ZBTB16: variants seen among roughly 807,000 people sequenced by gnomAD.
ZBTB16 encodes zinc finger and BTB domain-containing protein 16.
ZBTB16 carries 8 observed loss-of-function variants against 56.8 expected under a neutral mutation model. The observed-to-expected ratio is 0.14, with a 90% CI of 0.08 to 0.25. The LOEUF (loss-of-function observed/expected upper bound fraction) is 0.25. Ranked by LOEUF, ZBTB16 falls within the 10% of genes least tolerant of loss-of-function variation. ZBTB16 has a pLI of 1.00. For synonymous variants in ZBTB16, 363 were observed against 368.5 expected (o/e 0.98, Z 0.17); for missense variants, 625 against 903.0 (o/e 0.69, Z 3.95).
chr11:114,126,850 C>G (rs986368728), intron 2 of ZBTB16, among the ~76,000 whole-genome samples: 2 of 152,174 alleles, frequency 1.3e-5, no homozygotes, highest in Non-Finnish European at 2.9e-5. Context: ...TTCTCCACTT[C>G]CCAGTCAACT....
intron 4 of ZBTB16, among the ~76,000 whole-genome samples, chr11:114,235,001 A>C (rs775616067): frequency 3.4e-5 from 5 of 147,654 alleles, no homozygotes; most frequent in Admixed American, 6.7e-5. Context: ...GTAATCCCCC[A>C]GGATGTCAGA....
intron 2 of ZBTB16, among the ~76,000 whole-genome samples, chr11:114,148,086 C>T (rs1056138787): frequency 1.1e-4 from 17 of 152,216 alleles, no homozygotes; most frequent in Admixed American, 5.9e-4. Flanking sequence ...TCCACAGCCA[C>T]GAAGATCCCT....
chr11:114,142,643 G>T (rs1404935006), intron 2 of ZBTB16, among the ~76,000 whole-genome samples: 1 of 152,136 alleles, frequency 6.6e-6, no homozygotes, highest in African/African-American at 2.4e-5. Flanking sequence ...ATTGTATTCA[G>T]TCTATTTGAG....
chr11:114,215,939 G>T (rs1370419102), intron 4 of ZBTB16, among the ~76,000 whole-genome samples: 2 of 152,198 alleles, frequency 1.3e-5, no homozygotes, highest in Non-Finnish European at 2.9e-5. Context: ...CAGGGAGACA[G>T]CCTAGAAATG....
At chr11:114,225,640 C>G (rs1944314355) in intron 4 of ZBTB16, among the ~76,000 whole-genome samples, 1 of 151,022 alleles carries the variant, frequency 6.6e-6, no homozygotes, top group South Asian at 2.1e-4. Context: ...CCCCCATGAC[C>G]CAAACACCTC....
At chr11:114,080,772 G>A (rs1397956936) in intron 2 of ZBTB16, among the ~76,000 whole-genome samples, 1 of 152,154 alleles carries the variant, frequency 6.6e-6, no homozygotes, top group Non-Finnish European at 1.5e-5. Context: ...TCTGGCTAAC[G>A]AGAGGGACTG....
rs1177425444 is a variant in ZBTB16, at chr11:114,167,236, T to TTG, written c.1366+10803_1366+10804insGT. Among the ~76,000 whole-genome samples the TTG allele has an allele frequency of 1.8e-4, 23 of 126,730 alleles. 1 individual carries two copies. The highest frequency in any genetic ancestry group is 8.3e-4 in the South Asian group (3 of 3,628). 83.1% of individuals were successfully genotyped at this position (126,730 alleles called of 152,430 possible). ...TTGTGGTTTTTTTTTTTTTTGGTTT[T>TTG]TTTTTTTTTTTTTTTTTGACAAGCT... is the stretch of plus-strand genomic sequence containing the variant. On this transcript the variant is annotated intron_variant, in intron 3 of 6. Transcript: ENST00000335953.
intron 4 of ZBTB16, among the ~76,000 whole-genome samples, chr11:114,215,981 C>A (rs1462248552): frequency 6.6e-6 from 1 of 152,166 alleles, no homozygotes; most frequent in Non-Finnish European, 1.5e-5. Flanking sequence ...AGCTCTTGAA[C>A]AGAGCAGACA....
intron 4 of ZBTB16, among the ~76,000 whole-genome samples, chr11:114,221,164 G>T (rs1445531951): frequency 1.3e-5 from 2 of 152,178 alleles, no homozygotes; most frequent in Non-Finnish European, 2.9e-5. Context: ...AGGAAGGAGG[G>T]TAGGGAAGAG....
intron 2 of ZBTB16, among the ~76,000 whole-genome samples, chr11:114,073,675 A>G (rs1384725193): frequency 6.6e-6 from 1 of 152,218 alleles, no homozygotes; most frequent in Non-Finnish European, 1.5e-5. Flanking sequence ...TGCAGTAGAA[A>G]GGGTCCAAGT....
intron 2 of ZBTB16, among the ~76,000 whole-genome samples, chr11:114,094,669 A>G (rs963149068): frequency 3.9e-5 from 6 of 152,200 alleles, no homozygotes; most frequent in Non-Finnish European, 2.9e-5. Context: ...GAATTAGAAA[A>G]AGCACCCTTG....
At chr11:114,130,409 G>C (rs976828330) in intron 2 of ZBTB16, among the ~76,000 whole-genome samples, 2 of 152,240 alleles carry the variant, frequency 1.3e-5, no homozygotes, top group Non-Finnish European at 2.9e-5. Context: ...TTTCAGGTTA[G>C]TTGAGACGTG....
In ZBTB16 at chr11:114,060,135, C is replaced by G. The variant is rs1293306503; in HGVS notation, c.-91+253C>G. ...TCCCCAGCCCTTCCTCTTCAGGGCACGGTCGGGGTGAGAGGTGGGGGGCGT... is the reference window on the plus strand; with the variant it reads ...TCCCCAGCCCTTCCTCTTCAGGGCAGGGTCGGGGTGAGAGGTGGGGGGCGT... On this transcript the variant is annotated intron_variant, in intron 1 of 6. Coordinates refer to ENST00000335953, the MANE Select transcript of ZBTB16 (RefSeq NM_006006.6). The surrounding 1 kb of genome is among the most constrained non-coding windows in gnomAD (Gnocchi z 6.0). The G allele has an allele frequency of 4.8e-6, 1 of 209,924 alleles. No individual in the cohort carries two copies. The highest frequency in any genetic ancestry group is 9.4e-6 in the Non-Finnish European group (1 of 105,932). The allele number at this position is 209,924 out of a possible 1,614,324, so 13.0% of individuals were successfully genotyped here.
At chr11:114,199,642 G>C (rs999194072) in intron 4 of ZBTB16, among the ~76,000 whole-genome samples, 1 of 152,196 alleles carries the variant, frequency 6.6e-6, no homozygotes, top group Non-Finnish European at 1.5e-5. Context: ...AAATGGCTTC[G>C]TTTCCTTGCT....
At chr11:114,159,937 C>CGGCGGGG (rs1555145906) in intron 3 of ZBTB16, among the ~76,000 whole-genome samples, 8 of 93,842 alleles carry the variant, frequency 8.5e-5, no homozygotes, top group African/African-American at 4.6e-4. Context: ...GCGGGGGAGG[C>CGGCGGGG]GGGGGGGAGG....
At chr11:114,227,444 A>C (rs1944350926) in intron 4 of ZBTB16, among the ~76,000 whole-genome samples, 1 of 152,186 alleles carries the variant, frequency 6.6e-6, no homozygotes, top group African/African-American at 2.4e-5. Flanking sequence ...AGAGAAATCA[A>C]ATTCATTTGT....
intron 2 of ZBTB16, among the ~76,000 whole-genome samples, chr11:114,125,486 A>G (rs553485738): frequency 1.3e-5 from 2 of 152,038 alleles, no homozygotes; most frequent in East Asian, 3.9e-4. Context: ...TTATCTAACT[A>G]TCCGACAACA....
At chr11:114,213,779 G>C (rs1341329507) in intron 4 of ZBTB16, among the ~76,000 whole-genome samples, 1 of 152,192 alleles carries the variant, frequency 6.6e-6, no homozygotes, top group Non-Finnish European at 1.5e-5. Flanking sequence ...CTAAATCCCT[G>C]TGAGACAGGG....
intron 3 of ZBTB16, among the ~76,000 whole-genome samples, chr11:114,171,574 C>G (rs1468801200): frequency 6.6e-6 from 1 of 152,152 alleles, no homozygotes. Flanking sequence ...TAGCCCCCGG[C>G]CCCCCAAGGT....
Sources: gnomAD v4.1 joint callset for allele counts (sites outside exome capture counted in the v4.1 genomes callset) on GRCh38, gnomAD v4.1.1 for gene constraint, Gnocchi (gnomAD v3.1) non-coding constraint, MANE v1.5 for transcripts, NCBI Gene and HGNC (gene_info 2026-07-23, HGNC 2026-07-21) for gene names.